ZNF846: variants seen among roughly 807,000 people sequenced by gnomAD.
ZNF846 encodes zinc finger protein 846, also known as zinc finger protein 420 pseudogene.
In ZNF846, 15 loss-of-function variants were observed where a neutral mutation model predicts 16.0. That is an observed-to-expected ratio of 0.94 (90% CI 0.63 to 1.45). The LOEUF (loss-of-function observed/expected upper bound fraction) is 1.45, where lower values mean the gene tolerates loss of function less well. Ranked by LOEUF, ZNF846 falls within the 40% of genes most tolerant of loss-of-function variation. ZNF846 has a pLI of 0.00. For synonymous variants in ZNF846, 229 were observed against 212.0 expected, an observed-to-expected ratio of 1.08 and a Z score of -0.70; for missense variants, 714 against 622.3, an observed-to-expected ratio of 1.15 and a Z score of -1.57.
intron 1 of ZNF846, among the ~76,000 whole-genome samples, chr19:9,781,116 A>C (rs2045497089): frequency 6.6e-6 from 1 of 152,128 alleles, no homozygotes; most frequent in African/African-American, 2.4e-5. Flanking sequence ...CCTCTGGAGA[A>C]AATATCCTGT....
rs114648486 is a variant in ZNF846 at position 9,765,833 on chromosome 19, T to C, written c.-85-798A>G. Among the ~76,000 whole-genome samples the C allele has an allele frequency of 5.2e-3, 721 of 139,008 alleles. 4 individuals carry two copies. Among genetic ancestry groups the C allele is most frequent in the African/African-American group, 0.02 (677 of 34,256 alleles). The allele number at this position is 139,008 out of a possible 152,430, so 91.2% of individuals were successfully genotyped here. ...CCTGTAATCCTAACCCTTTGGGAGGTTGAAGTAGAAGGATGCTTGAGGCCA... is the reference window on the plus strand; with the variant it reads ...CCTGTAATCCTAACCCTTTGGGAGGCTGAAGTAGAAGGATGCTTGAGGCCA... On this transcript the variant is annotated intron_variant, in intron 1 of 5. Coordinates refer to ENST00000397902, the Ensembl canonical transcript of ZNF846.
chr19:9,783,455 A>G (rs1044819425), intron 1 of ZNF846, among the ~76,000 whole-genome samples: 20 of 145,586 alleles, frequency 1.4e-4, no homozygotes, highest in African/African-American at 4.8e-4. Flanking sequence ...TCAAGGCTGC[A>G]GTGTGCTATG....
Position 9,758,179 on chromosome 19 carries a change from G to A in ZNF846, c.898C>T (p.His300Tyr), listed in dbSNP as rs752498299. The change falls in exon 6 of 6, where the codon CAT (histidine) becomes TAT (tyrosine). Residue 300 changes from histidine to tyrosine, a missense_variant. Physicochemically the swap from His to Tyr is moderately conservative, Grantham distance 83 (BLOSUM62 2). Coordinates refer to ENST00000397902, the Ensembl canonical transcript of ZNF846. ...TTCTTTCCACTGTGGATTCTTGTAT[G>A]ATCAGTAAGGTATGAAGAATGGGTG... 1.2e-5 allele frequency: 20 copies of A among 1,613,220 alleles called. No homozygotes were observed. The Middle Eastern group carries it at 3.1e-3, about 253-fold the overall frequency.
intron 1 of ZNF846, among the ~76,000 whole-genome samples, chr19:9,765,967 G>T (rs190147016): frequency 5.3e-5 from 8 of 151,790 alleles, no homozygotes; most frequent in Admixed American, 4.6e-4. Context: ...TGAAAACAAA[G>T]AATAAAAGAA....
downstream of ZNF846, among the ~76,000 whole-genome samples, chr19:9,749,733 T>C (rs1259687491): frequency 1.3e-5 from 2 of 152,092 alleles, no homozygotes; most frequent in Non-Finnish European, 2.9e-5. Flanking sequence ...CCTGCTCTTA[T>C]GCAGCCGTCC....
At chr19:9,776,086 G>A (rs111487590) in intron 1 of ZNF846, among the ~76,000 whole-genome samples, 16,656 of 152,240 alleles carry the variant, frequency 0.11, 1,300 homozygotes, top group African/African-American at 0.21. Flanking sequence ...TTGGTCTAGC[G>A]GTAATGCCAG....
intron 1 of ZNF846, among the ~76,000 whole-genome samples, chr19:9,781,871 G>A (rs546729231): frequency 2.7e-5 from 4 of 150,472 alleles, no homozygotes; most frequent in Non-Finnish European, 4.4e-5. Flanking sequence ...CTCCGCCTCC[G>A]GGTTCAAGGG....
Position 9,758,476 on chromosome 19 carries a change from T to C in ZNF846, c.601A>G (p.Lys201Glu), listed in dbSNP as rs552062214. Residue 201 changes from lysine to glutamate, a missense_variant, in exon 6 of 6, where the codon AAA (lysine) becomes GAA (glutamate). Transcript: ENST00000397902. ...TTAAGAAAAGTTCTCCAACAGTCTT[T>C]GCATTCACACAATTTCTCTTGTGTG... The C allele has an allele frequency of 7.3e-5, 118 of 1,613,582 alleles. 2 individuals carry two copies. In the South Asian group the frequency reaches 1.2e-3, roughly 16 times the overall value.
chr19:9,760,905 C>T (rs1245370477), intron 4 of ZNF846, among the ~76,000 whole-genome samples: 1 of 151,332 alleles, frequency 6.6e-6, no homozygotes, highest in Admixed American at 6.6e-5. Context: ...GATGGTAATG[C>T]TTTGAAACTA....
downstream of ZNF846, among the ~76,000 whole-genome samples, chr19:9,755,984 G>A (rs1313858484): frequency 1.4e-5 from 2 of 148,018 alleles, no homozygotes; most frequent in African/African-American, 2.6e-5. Context: ...GGGATTAAAG[G>A]CACCCGCCAC....
At chr19:9,780,710 A>G (rs201001503) in intron 1 of ZNF846, among the ~76,000 whole-genome samples, 1 of 152,080 alleles carries the variant, frequency 6.6e-6, no homozygotes, top group East Asian at 1.9e-4. Context: ...CAGCCTCCCA[A>G]AATGCTGGGA....
downstream of ZNF846, among the ~76,000 whole-genome samples, chr19:9,755,064 C>T (rs2045120463): frequency 6.6e-6 from 1 of 151,224 alleles, no homozygotes; most frequent in African/African-American, 2.5e-5. Context: ...CGGGGTTTCA[C>T]CATGTTAGCC....
intron 1 of ZNF846, among the ~76,000 whole-genome samples, chr19:9,784,025 TAAAGAA>T (rs1388797457): frequency 6.6e-6 from 1 of 152,054 alleles, no homozygotes; most frequent in East Asian, 1.9e-4. Flanking sequence ...TTTTTTTTCC[TAAAGAA>T]AAAAAGTCCA....
At chr19:9,766,446 A>G (rs547617565) in intron 1 of ZNF846, among the ~76,000 whole-genome samples, 4 of 150,610 alleles carry the variant, frequency 2.7e-5, no homozygotes, top group African/African-American at 9.8e-5. Flanking sequence ...GAAATATGCC[A>G]CAATTCACCC....
At chr19:9,758,544 G>C (rs200619510) in exon 6 of ZNF846, 7 of 1,613,148 alleles carry the variant, frequency 4.3e-6, no homozygotes, top group African/African-American at 4.0e-5. Context: ...CTGGTTGAAG[G>C]CTTTTTCATG....
At chr19:9,774,867 A>C in intron 1 of ZNF846, 1 of 1,610,256 alleles carries the variant, frequency 6.2e-7, no homozygotes, top group Admixed American at 1.7e-5. Flanking sequence ...CTTCGGGCTG[A>C]CCTAGCTGAA....
At chr19:9,749,213 C>A (rs1027612002), downstream of ZNF846, among the ~76,000 whole-genome samples, 6 of 152,144 alleles carry the variant, frequency 3.9e-5, no homozygotes, top group Non-Finnish European at 7.3e-5. Flanking sequence ...ATAAACCTAA[C>A]ACATCCCTTC....
At chr19:9,772,126 A>C (rs940112463), upstream of ZNF846, among the ~76,000 whole-genome samples, 2 of 152,110 alleles carry the variant, frequency 1.3e-5, no homozygotes, top group Non-Finnish European at 2.9e-5. Context: ...TCCCCATTGA[A>C]TTGTTTTGAC....
upstream of ZNF846, among the ~76,000 whole-genome samples, chr19:9,770,703 A>C (rs113915533): frequency 0.11 from 16,625 of 151,766 alleles, 1,286 homozygotes; most frequent in African/African-American, 0.21. Flanking sequence ...CACGGTCTCT[A>C]CTAAAAAATA....
Sources: allele counts gnomAD v4.1 joint callset (sites outside exome capture counted in the v4.1 genomes callset), GRCh38; gene constraint gnomAD v4.1.1; transcripts MANE v1.5; gene names NCBI Gene and HGNC (gene_info 2026-07-23, HGNC 2026-07-21).